The following CAST variants were observed in gnomAD, a reference collection of about 807,000 sequenced individuals.
CAST encodes MIR583 host.
CAST carries 76 observed loss-of-function variants against 119.6 expected under a neutral mutation model. The observed-to-expected ratio is 0.64, with a 90% CI of 0.53 to 0.77. The LOEUF (loss-of-function observed/expected upper bound fraction) is 0.77, where lower values mean the gene tolerates loss of function less well. Among genes scored for constraint, CAST ranks in the 30% least tolerant of loss-of-function variants. The probability of loss-of-function intolerance (pLI) is 0.00; values close to 1 mark genes in which losing one functional copy is unlikely to be tolerated. For synonymous variants in CAST, 319 were observed against 331.6 expected (o/e 0.96, Z 0.41); for missense variants, 953 against 946.5 (o/e 1.01, Z -0.09).
chr5:96,540,166 A>C (rs1561410775), intron 1 of CAST, among the ~76,000 whole-genome samples: 1 of 151,806 alleles, frequency 6.6e-6, no homozygotes, highest in Non-Finnish European at 1.5e-5. Flanking sequence ...TGTTGTTTCT[A>C]TTTTTTTCTT....
the CAST span, among the ~76,000 whole-genome samples, chr5:96,241,099 A>T: frequency 2.6e-5 from 4 of 151,960 alleles, no homozygotes; most frequent in Admixed American, 2.6e-4. Context: ...TTTAGGGTAC[A>T]TGTGCACAAT....
At chr5:96,738,357 A>G (rs17086611) in intron 11 of CAST, among the ~76,000 whole-genome samples, 11,443 of 152,218 alleles carry the variant, frequency 0.075, 693 homozygotes, top group East Asian at 0.21. Flanking sequence ...TCATTTGCAT[A>G]GAAACAGGAT....
At chr5:96,756,551 A>G (rs1483182805) in intron 22 of CAST, among the ~76,000 whole-genome samples, 1 of 152,174 alleles carries the variant, frequency 6.6e-6, no homozygotes, top group African/African-American at 2.4e-5. Context: ...TGCCCCCGTG[A>G]GCATTTCCTT....
chr5:95,974,266 C>G, the CAST span, among the ~76,000 whole-genome samples: 2 of 152,298 alleles, frequency 1.3e-5, no homozygotes, highest in Middle Eastern at 3.4e-3. Context: ...TGCCTTTTGA[C>G]AAGTGACGCT....
the CAST span, among the ~76,000 whole-genome samples, chr5:96,130,368 C>G: frequency 2.6e-5 from 4 of 151,034 alleles, no homozygotes; most frequent in Non-Finnish European, 5.9e-5. Context: ...GAGAAATTGT[C>G]ACAGCACAAA....
the CAST span, among the ~76,000 whole-genome samples, chr5:96,246,424 A>T: frequency 1.3e-5 from 2 of 152,004 alleles, no homozygotes; most frequent in Admixed American, 6.5e-5. Context: ...TGACCTTGTG[A>T]TCTGCCCGCC....
the CAST span, among the ~76,000 whole-genome samples, chr5:96,478,823 G>A: frequency 6.6e-6 from 1 of 152,206 alleles, no homozygotes. Flanking sequence ...TGACATTGGA[G>A]CTCAAAGCTC....
At chr5:96,285,088 G>T in the CAST span, among the ~76,000 whole-genome samples, 1 of 152,018 alleles carries the variant, frequency 6.6e-6, no homozygotes, top group African/African-American at 2.4e-5. Context: ...TTTCCAGGAG[G>T]TTTCAAAGCT....
At chr5:96,019,787 A>G in the CAST span, among the ~76,000 whole-genome samples, 6 of 152,220 alleles carry the variant, frequency 3.9e-5, no homozygotes, top group Non-Finnish European at 5.9e-5. Flanking sequence ...CACAAGGCTA[A>G]TAAACGTAAA....
intron 1 of CAST, among the ~76,000 whole-genome samples, chr5:96,663,364 A>T (rs2150216863): frequency 6.6e-6 from 1 of 152,282 alleles, no homozygotes; most frequent in Non-Finnish European, 1.5e-5. Context: ...CTCTTGTGGT[A>T]TGTATGAGCG....
chr5:96,239,084 TTAATA>T, the CAST span, among the ~76,000 whole-genome samples: 18 of 152,186 alleles, frequency 1.2e-4, no homozygotes, highest in African/African-American at 4.3e-4. Context: ...TTGGCTATAA[TTAATA>T]TAATCATTGC....
chr5:96,485,193 A>G, the CAST span, among the ~76,000 whole-genome samples: 2 of 152,158 alleles, frequency 1.3e-5, no homozygotes, highest in Non-Finnish European at 2.9e-5. Flanking sequence ...TCATGGATTG[A>G]AAAGTGAGTG....
chr5:96,426,403 AAAGT>A, the CAST span, among the ~76,000 whole-genome samples: 1 of 152,196 alleles, frequency 6.6e-6, no homozygotes, highest in Non-Finnish European at 1.5e-5. Flanking sequence ...AATATTTTAT[AAAGT>A]AAGAATGGTG....
At chr5:96,327,346 C>A in the CAST span, among the ~76,000 whole-genome samples, 9 of 152,286 alleles carry the variant, frequency 5.9e-5, no homozygotes, top group African/African-American at 2.2e-4. Context: ...ATGATACTGC[C>A]TTCTGATCCC....
chr5:96,753,858 A>G (rs908503627), intron 20 of CAST, among the ~76,000 whole-genome samples: 1 of 152,242 alleles, frequency 6.6e-6, no homozygotes, highest in Non-Finnish European at 1.5e-5. Flanking sequence ...ATTTGCACAC[A>G]ATGTTTAATA....
chr5:96,411,063 C>T, the CAST span: 38 of 1,012,270 alleles, frequency 3.8e-5, no homozygotes, highest in Non-Finnish European at 4.9e-5. Flanking sequence ...AAATCCCCAA[C>T]GACTACATGT....
chr5:95,988,538 A>G, the CAST span, among the ~76,000 whole-genome samples: 1 of 152,190 alleles, frequency 6.6e-6, no homozygotes, highest in Non-Finnish European at 1.5e-5. Context: ...TTTATTTCAG[A>G]TATTTTGACA....
the CAST span, among the ~76,000 whole-genome samples, chr5:96,107,122 C>A: frequency 6.6e-6 from 1 of 150,788 alleles, no homozygotes; most frequent in Non-Finnish European, 1.5e-5. Flanking sequence ...TGTGTCTCTG[C>A]ACGTGAGATG....
chr5:96,648,326 G>T (rs1343310815), intron 1 of CAST, among the ~76,000 whole-genome samples: 1 of 152,146 alleles, frequency 6.6e-6, no homozygotes, highest in Non-Finnish European at 1.5e-5. Context: ...CACTCAGCAA[G>T]ACTGTGAATG....
Sources: gnomAD v4.1 joint callset for allele counts (sites outside exome capture counted in the v4.1 genomes callset) on GRCh38, gnomAD v4.1.1 for gene constraint, MANE v1.5 for transcripts, NCBI Gene and HGNC (gene_info 2026-07-23, HGNC 2026-07-21) for gene names.